The following DCPS variants were observed in gnomAD, a reference collection of about 807,000 sequenced individuals.
DCPS encodes decapping enzyme, scavenger, also known as m7GpppX diphosphatase.
Under a neutral mutation model 34.7 loss-of-function variants are expected in DCPS, and 27 were observed. That is an observed-to-expected ratio of 0.78 (90% CI 0.57 to 1.07). The LOEUF is 1.07. Ranked by LOEUF, DCPS falls within the 50% of genes least tolerant of loss-of-function variation. DCPS has a pLI of 0.00. For synonymous variants in DCPS, 185 were observed against 185.7 expected, an observed-to-expected ratio of 1.00 and a Z score of 0.03; for missense variants, 464 against 436.9, an observed-to-expected ratio of 1.06 and a Z score of -0.55.
chr11:126,341,490 C>A (rs1951875656), intron 4 of DCPS: 1 of 152,252 alleles, frequency 6.6e-6, no homozygotes, highest in Admixed American at 6.5e-5. Context: ...TGACACCCAA[C>A]ACCATGGGCT....
rs952902497 is a variant in DCPS at position 126,345,895 on chromosome 11, G to A, written c.*282G>A. The A allele has an allele frequency of 9.9e-6, 5 of 507,424 alleles. No homozygotes were observed. Among genetic ancestry groups the A allele is most frequent in the Non-Finnish European group, 3.5e-6 (1 of 283,406 alleles). The allele number at this position is 507,424 out of a possible 1,614,324, so 31.4% of individuals were successfully genotyped here. ...GTGGGAGCTGCCCTGGAAGGGTGCC[G>A]AGGGCCTTCTCCAAGCCCCAGGGCT... On this transcript the variant is annotated 3_prime_UTR_variant, in exon 6 of 6. Coordinates refer to ENST00000263579, the MANE Select transcript of DCPS (RefSeq NM_014026.6). The surrounding 1 kb of genome is among the most constrained non-coding windows in gnomAD (Gnocchi z 7.4).
intron 2 of DCPS, among the ~76,000 whole-genome samples, chr11:126,307,892 A>T (rs919723072): frequency 2.0e-5 from 3 of 152,206 alleles, no homozygotes; most frequent in Non-Finnish European, 4.4e-5. Flanking sequence ...TCACACAGCC[A>T]GTAGGTGGCG....
In DCPS at chr11:126,323,366, T is replaced by C. The variant is rs976119348; in HGVS notation, c.377-8039T>C. 3.9e-5 allele frequency among the ~76,000 whole-genome samples: 6 copies of C among 152,210 alleles called. No individual in the cohort carries two copies. The highest frequency in any genetic ancestry group is 1.4e-4 in the African/African-American group (6 of 41,456). ...TACCTTGAGCGGTAGAAAGTTCAGC[T>C]TTAGAAACATTGTGTTTATTTCCAT... On this transcript the variant is annotated intron_variant, in intron 2 of 5. Transcript: ENST00000263579. This position sits in a 1 kb window ranked among gnomAD's most constrained non-coding sequence, Gnocchi z 4.4.
Position 126,338,188 on chromosome 11 carries a change from C to A in DCPS, c.523-98C>A. ...GCGGCCTTTTATGGCTTGGTTCTGTCTCCTGGAGAGGCCAGGGAATGCCCT... is the reference window on the plus strand; with the variant it reads ...GCGGCCTTTTATGGCTTGGTTCTGTATCCTGGAGAGGCCAGGGAATGCCCT... On this transcript the variant is annotated intron_variant, in intron 3 of 5. Coordinates refer to ENST00000263579, the MANE Select transcript of DCPS (RefSeq NM_014026.6). This position sits in a 1 kb window ranked among gnomAD's most constrained non-coding sequence, Gnocchi z 5.4. The A allele has an allele frequency of 1.7e-6, 2 of 1,153,210 alleles. No individual in the cohort carries two copies. The highest frequency in any genetic ancestry group is 2.5e-6 in the Non-Finnish European group (2 of 788,118). The allele number at this position is 1,153,210 out of a possible 1,614,324, so 71.4% of individuals were successfully genotyped here. A position where few individuals can be genotyped will look rare whatever the true frequency, so the allele number is the denominator to read the frequency against.
In DCPS at chr11:126,335,982, G is replaced by T. The variant is rs561205323; in HGVS notation, c.523-2304G>T. On this transcript the variant is annotated intron_variant, in intron 3 of 5. Coordinates refer to ENST00000263579, the MANE Select transcript of DCPS (RefSeq NM_014026.6). The surrounding 1 kb of genome is among the most constrained non-coding windows in gnomAD (Gnocchi z 4.8). ...TCTACTAAAAATATAAAAATTAGTC[G>T]GGTGTGGTGGTGGGCACCTATAATC... Among the ~76,000 whole-genome samples, 1 of 151,884 alleles carries T rather than the reference G, an allele frequency of 6.6e-6. No individual in the cohort carries two copies. The highest frequency in any genetic ancestry group is 1.5e-5 in the Non-Finnish European group (1 of 67,978).
rs374335584 is a variant in DCPS at position 126,304,276 on chromosome 11, G to C, written c.196G>C (p.Gly66Arg). The part of the protein sequence containing the change: ...SARDKIIFLH[G>R]KVNEASGDGD... ...GCGGGACAAAATCATTTTCCTACAC[G>C]GGAAGGTACCAGGAGGCAACCCTGA... The change falls in exon 1 of 6, where the codon GGG (glycine) becomes CGG (arginine). Residue 66 changes from glycine (G) to arginine (R), a missense_variant. Physicochemically the swap from Gly to Arg is moderately radical, Grantham distance 125. Coordinates refer to ENST00000263579, the MANE Select transcript of DCPS (RefSeq NM_014026.6). 21 of 1,614,150 alleles carry C rather than the reference G, an allele frequency of 1.3e-5. No homozygotes were observed. The highest frequency in any genetic ancestry group is 1.7e-5 in the Non-Finnish European group (20 of 1,180,024).
At position 126,320,519 on chromosome 11, in the gene DCPS, A is replaced by G. The variant is rs944409524; in HGVS notation, c.377-10886A>G. Among the ~76,000 whole-genome samples, 2 of 152,148 alleles carry G rather than the reference A, an allele frequency of 1.3e-5. No homozygotes were observed. The highest frequency in any genetic ancestry group is 4.8e-5 in the African/African-American group (2 of 41,444). ...AAAAAATTAACCCATCAAGACTACA[A>G]GGGCGGGGTGCAGTGGCTCATGCCC... On this transcript the variant is annotated intron_variant, in intron 2 of 5. Coordinates refer to ENST00000263579, the MANE Select transcript of DCPS (RefSeq NM_014026.6). This position sits in a 1 kb window ranked among gnomAD's most constrained non-coding sequence, Gnocchi z 4.7.
Position 126,344,391 on chromosome 11 carries a change from C to G in DCPS, c.748-956C>G, listed in dbSNP as rs1951900614. ...TATTACAAATGGCAAAGAATGGTGT[C>G]TTTCTCTTGGGGAGATGCCAGGCCA... On this transcript the variant is annotated intron_variant, in intron 5 of 5. Transcript: ENST00000263579. The surrounding 1 kb of genome is among the most constrained non-coding windows in gnomAD (Gnocchi z 8.1). 6.6e-6 allele frequency among the ~76,000 whole-genome samples: 1 copy of G among 152,190 alleles called. No individual in the cohort carries two copies. Among genetic ancestry groups the G allele is most frequent in the African/African-American group, 2.4e-5 (1 of 41,438 alleles).
rs1951747229 is a variant in DCPS at position 126,327,118 on chromosome 11, G to A, written c.377-4287G>A. Among the ~76,000 whole-genome samples the A allele has an allele frequency of 6.6e-6, 1 of 152,140 alleles. No homozygotes were observed. The highest frequency in any genetic ancestry group is 1.5e-5 in the Non-Finnish European group (1 of 68,008). On this transcript the variant is annotated intron_variant, in intron 2 of 5. Coordinates refer to ENST00000263579, the MANE Select transcript of DCPS (RefSeq NM_014026.6). The surrounding 1 kb of genome is among the most constrained non-coding windows in gnomAD (Gnocchi z 4.1). ...AGTCCATAGTTAAGTTGTGCCAGTT[G>A]CTTCAGTGCAGGGCGCCCCTCCCCG...
In DCPS at chr11:126,349,405, TGGTTGGA is replaced by T. The variant is rs1296435665; in HGVS notation, c.*3794_*3800del. ...CACTTGGCCTACATTCTTTCTGGCT[TGGTTGGA>T]GAAGGAAAGAAGCAGTTGGAGGCAT... is the stretch of plus-strand genomic sequence containing the variant. On this transcript the variant is annotated 3_prime_UTR_variant, in exon 6 of 6. Transcript: ENST00000263579. This position sits in a 1 kb window ranked among gnomAD's most constrained non-coding sequence, Gnocchi z 5.4. 1.3e-5 allele frequency among the ~76,000 whole-genome samples: 2 copies of T among 152,242 alleles called. No individual in the cohort carries two copies. The highest frequency in any genetic ancestry group is 2.9e-5 in the Non-Finnish European group (2 of 68,038).
chr11:126,309,556 A>G (rs1266998897), intron 2 of DCPS, among the ~76,000 whole-genome samples: 9 of 152,152 alleles, frequency 5.9e-5, no homozygotes, highest in African/African-American at 2.2e-4. Context: ...TACAGACGCA[A>G]TGTCCTTCTT....
At position 126,333,204 on chromosome 11, in the gene DCPS, T is replaced by G. The variant is rs1210150964; in HGVS notation, c.522+1654T>G. 6.6e-6 allele frequency among the ~76,000 whole-genome samples: 1 copy of G among 152,178 alleles called. No homozygotes were observed. The highest frequency in any genetic ancestry group is 1.5e-5 in the Non-Finnish European group (1 of 68,034). ...ATTCGGAGAAGAGCACAATGAAAAC[T>G]CCACTACTCTTCCAACTCCTGACTG... On this transcript the variant is annotated intron_variant, in intron 3 of 5. Transcript: ENST00000263579. This position sits in a 1 kb window ranked among gnomAD's most constrained non-coding sequence, Gnocchi z 5.7.
chr11:126,307,677 G>C (rs1184721316), intron 2 of DCPS, among the ~76,000 whole-genome samples: 1 of 152,116 alleles, frequency 6.6e-6, no homozygotes, highest in Non-Finnish European at 1.5e-5. Flanking sequence ...AAAGTGCTGG[G>C]ATTACAGGTG....
In DCPS at chr11:126,328,277, A is replaced by G. The variant is rs1292129997; in HGVS notation, c.377-3128A>G. On this transcript the variant is annotated intron_variant, in intron 2 of 5. Coordinates refer to ENST00000263579, the MANE Select transcript of DCPS (RefSeq NM_014026.6). This position sits in a 1 kb window ranked among gnomAD's most constrained non-coding sequence, Gnocchi z 6.6. ...GCGCGGGAGCTGTGGAGCAGGGGAC[A>G]GTTTGAGGGTGGCAGCTCCCACCTC... Among the ~76,000 whole-genome samples, 1 of 152,098 alleles carries G rather than the reference A, an allele frequency of 6.6e-6. No individual in the cohort carries two copies. The highest frequency in any genetic ancestry group is 1.5e-5 in the Non-Finnish European group (1 of 67,988).
chr11:126,345,684 AGTG>A lies in DCPS; in HGVS notation c.*72_*74del. 6.4e-7 allele frequency: 1 copy of A among 1,558,460 alleles called. No individual in the cohort carries two copies. Among genetic ancestry groups the A allele is most frequent in the Non-Finnish European group, 8.7e-7 (1 of 1,155,634 alleles). On this transcript the variant is annotated 3_prime_UTR_variant, in exon 6 of 6. Transcript: ENST00000263579. The surrounding 1 kb of genome is among the most constrained non-coding windows in gnomAD (Gnocchi z 7.4). ...GTGGGGACAAGATTTTTTATCTCCAAGTGAATTTTCTAAAAATGTATTTTATAC... is the reference window on the plus strand; with the variant it reads ...GTGGGGACAAGATTTTTTATCTCCAAAATTTTCTAAAAATGTATTTTATAC...
chr11:126,306,715 A>G lies in DCPS; in HGVS notation c.347A>G (p.Tyr116Cys), dbSNP rs1232463438. ...TTCTCCAATGATATCTACAGCACCT[A>G]TCACTTGTTCCCTCCAAGACAACTG... ...LQFSNDIYST[Y>C]HLFPPRQLND... Residue 116 changes from tyrosine to cysteine, a missense_variant, in exon 2 of 6, where the codon TAT becomes TGT. Physicochemically the swap from Tyr to Cys is radical, Grantham distance 194 (BLOSUM62 -2). Transcript: ENST00000263579. 4 of 1,604,544 alleles carry G rather than the reference A, an allele frequency of 2.5e-6. No individual in the cohort carries two copies. Among genetic ancestry groups the G allele is most frequent in the Admixed American group, 1.7e-5 (1 of 59,854 alleles).
rs1951905362 is a variant in DCPS, at chr11:126,344,913, A to G, written c.748-434A>G. Among the ~76,000 whole-genome samples, 1 of 152,158 alleles carries G rather than the reference A, an allele frequency of 6.6e-6. No homozygotes were observed. On this transcript the variant is annotated intron_variant, in intron 5 of 5. Transcript: ENST00000263579. This position sits in a 1 kb window ranked among gnomAD's most constrained non-coding sequence, Gnocchi z 8.1. ...TTGTTTCCAAGCTCCACCCTGTGCT[A>G]TGCTAAAAGAGAGAATGAGGCTTCC...
At position 126,331,437 on chromosome 11, in the gene DCPS, G is replaced by T. The variant is rs1349096341; in HGVS notation, c.409G>T (p.Glu137Ter). The stretch of plus-strand genomic sequence containing the variant: ...GACGACCGTGGTTTACCCTGCCACA[G>T]AGAAACACCTGCAGAAGTACCTGCG... ...VKTTVVYPAT[E>*]KHLQKYLRQD... Residue 137 changes from glutamate to a stop codon, truncating the protein, a stop_gained, in exon 3 of 6, where the codon GAG becomes TAG. Coordinates refer to ENST00000263579, the MANE Select transcript of DCPS (RefSeq NM_014026.6). LOFTEE classifies it high-confidence loss of function. The surrounding 1 kb of genome is among the most constrained non-coding windows in gnomAD (Gnocchi z 7.2). 6.2e-7 allele frequency: 1 copy of T among 1,614,174 alleles called. No individual in the cohort carries two copies. The highest frequency in any genetic ancestry group is 1.7e-5 in the Admixed American group (1 of 60,026).
At chr11:126,318,076 G>A (rs1035637357) in intron 2 of DCPS, among the ~76,000 whole-genome samples, 1 of 152,196 alleles carries the variant, frequency 6.6e-6, no homozygotes, top group South Asian at 2.1e-4. Flanking sequence ...GGACTTCAGA[G>A]GACTAGCGAG....
Sources: allele counts gnomAD v4.1 joint callset (sites outside exome capture counted in the v4.1 genomes callset), GRCh38; gene constraint gnomAD v4.1.1; non-coding constraint Gnocchi (gnomAD v3.1); transcripts MANE v1.5; gene names NCBI Gene and HGNC (gene_info 2026-07-23, HGNC 2026-07-21).